STK3: variants seen among roughly 807,000 people sequenced by gnomAD.
STK3 encodes the protein serine/threonine kinase 3.
A neutral mutation model predicts 58.0 loss-of-function variants in STK3; 41 were observed. The observed-to-expected ratio is 0.71, with a 90% CI of 0.55 to 0.92. STK3 has a LOEUF of 0.92. Among genes scored for constraint, STK3 ranks in the 40% least tolerant of loss-of-function variants. The pLI, the probability that STK3 is intolerant of heterozygous loss-of-function variation, is 0.00. For missense variants in STK3, 479 were observed against 602.7 expected (o/e 0.79, Z 2.15); for synonymous variants, 170 against 191.0 (o/e 0.89, Z 0.91).
At position 98,428,892 on chromosome 8, in the gene STK3, A is replaced by G. The variant is rs749779842; in HGVS notation, n.483+5235T>C. ...CCTGAGGCTGATGCGGATCTTCCGC[A>G]TCTTAAAGCTGGCCAGGCACTCCAC... On this transcript the variant is annotated intron_variant and non_coding_transcript_variant, in intron 3 of 3. Coordinates refer to the STK3 transcript ENST00000517832. The surrounding 1 kb of genome is among the most constrained non-coding windows in gnomAD (Gnocchi z 6.7). 2 of 1,614,206 alleles carry G rather than the reference A, an allele frequency of 1.2e-6. No homozygotes were observed. The highest frequency in any genetic ancestry group is 1.6e-4 in the Middle Eastern group (1 of 6,062).
intron 6 of STK3, among the ~76,000 whole-genome samples, chr8:98,607,994 G>C (rs904720332): frequency 3.9e-5 from 6 of 152,078 alleles, no homozygotes; most frequent in African/African-American, 1.4e-4. Context: ...GTACAAGATA[G>C]AGAAATAGAT....
At chr8:98,510,862 T>C (rs980847342) in intron 10 of STK3, among the ~76,000 whole-genome samples, 5 of 152,060 alleles carry the variant, frequency 3.3e-5, no homozygotes, top group Admixed American at 1.3e-4. Context: ...GGTGAAGTAA[T>C]TGATAATACA....
chr8:98,669,062 T>TTTA (rs1187828475), intron 6 of STK3, among the ~76,000 whole-genome samples: 1 of 143,626 alleles, frequency 7.0e-6, no homozygotes, highest in Non-Finnish European at 1.5e-5. Flanking sequence ...AATGGTGTAA[T>TTTA]CTCAGCTCAC....
intron 2 of STK3, among the ~76,000 whole-genome samples, chr8:98,374,688 TC>T (rs138721370): frequency 0.01 from 1,543 of 152,292 alleles, 33 homozygotes; most frequent in African/African-American, 0.033. Flanking sequence ...AACTAAACCT[TC>T]TCCTAGAATT....
At chr8:98,541,326 T>TTCTCACAGGA (rs1810253053) in intron 9 of STK3, among the ~76,000 whole-genome samples, 1 of 151,928 alleles carries the variant, frequency 6.6e-6, no homozygotes, top group South Asian at 2.1e-4. Flanking sequence ...CGTGGCTGAG[T>TTCTCACAGGA]TCTCACAGGA....
chr8:98,693,900 G>A (rs1181049224), intron 6 of STK3, among the ~76,000 whole-genome samples: 3 of 152,152 alleles, frequency 2.0e-5, no homozygotes, highest in Non-Finnish European at 4.4e-5. Flanking sequence ...CTTTTTTGGT[G>A]TTGGGTTTTT....
At chr8:98,486,139 C>T (rs999485147) in intron 10 of STK3, among the ~76,000 whole-genome samples, 36 of 152,156 alleles carry the variant, frequency 2.4e-4, no homozygotes, top group African/African-American at 8.0e-4. Flanking sequence ...TGGCGTTGGG[C>T]ATGTTTCTTA....
downstream of STK3, among the ~76,000 whole-genome samples, chr8:98,401,103 G>A (rs534188124): frequency 1.3e-5 from 2 of 152,104 alleles, no homozygotes; most frequent in African/African-American, 4.8e-5. Context: ...CGGGACACAT[G>A]CCTTAGGAGC....
intron 6 of STK3, among the ~76,000 whole-genome samples, chr8:98,664,338 G>T (rs1405071390): frequency 6.6e-6 from 1 of 152,294 alleles, no homozygotes; most frequent in Non-Finnish European, 1.5e-5. Flanking sequence ...TGCTACCCCG[G>T]TCTGGGTCTT....
At chr8:98,787,174 A>G (rs1832523239) in intron 1 of STK3, among the ~76,000 whole-genome samples, 1 of 147,994 alleles carries the variant, frequency 6.8e-6, no homozygotes, top group African/African-American at 2.5e-5. Context: ...CCTCAAAAAA[A>G]AAAAAAAAAA....
chr8:98,704,724 C>A (rs1259312239), intron 6 of STK3, among the ~76,000 whole-genome samples: 1 of 152,060 alleles, frequency 6.6e-6, no homozygotes, highest in East Asian at 1.9e-4. Context: ...AGGAAGAGGC[C>A]ACATATTACA....
intron 3 of STK3, among the ~76,000 whole-genome samples, chr8:98,756,799 C>T (rs1830312382): frequency 6.6e-6 from 1 of 152,180 alleles, no homozygotes; most frequent in Non-Finnish European, 1.5e-5. Flanking sequence ...TGCACACCAA[C>T]CTATCTAAAG....
intron 6 of STK3, among the ~76,000 whole-genome samples, chr8:98,644,679 T>C (rs922696118): frequency 7.2e-5 from 11 of 152,306 alleles, no homozygotes; most frequent in African/African-American, 2.6e-4. Context: ...AACAATCTTT[T>C]TCTCCTAAGG....
intron 1 of STK3, among the ~76,000 whole-genome samples, chr8:98,938,914 C>G (rs537543458): frequency 4.0e-5 from 6 of 151,566 alleles, no homozygotes; most frequent in Non-Finnish European, 8.8e-5. Flanking sequence ...AAATGAGGTG[C>G]GACATTTCCG....
At chr8:98,721,441 G>A (rs1429245320) in intron 4 of STK3, among the ~76,000 whole-genome samples, 1 of 151,820 alleles carries the variant, frequency 6.6e-6, no homozygotes, top group Non-Finnish European at 1.5e-5. Flanking sequence ...GAGGTGGGAG[G>A]ATCACATGAG....
intron 1 of STK3, among the ~76,000 whole-genome samples, chr8:98,806,405 G>C (rs1833888117): frequency 1.3e-5 from 2 of 152,172 alleles, no homozygotes; most frequent in Admixed American, 6.5e-5. Context: ...TATATGGCTA[G>C]AAGTCGATGC....
intron 1 of STK3, among the ~76,000 whole-genome samples, chr8:98,379,604 C>G (rs1172133471): frequency 2.0e-5 from 3 of 152,208 alleles, no homozygotes; most frequent in Non-Finnish European, 4.4e-5. Context: ...GGACCGGACA[C>G]AGCAGATCCA....
At chr8:98,837,363 C>CAAAAAAA (rs533620773) in intron 3 of STK3, among the ~76,000 whole-genome samples, 1 of 63,296 alleles carries the variant, frequency 1.6e-5, no homozygotes, top group Non-Finnish European at 3.2e-5. Flanking sequence ...TGGAGCTCAG[C>CAAAAAAA]AAAAAAAAAA....
chr8:98,704,199 G>C (rs1219538928), intron 6 of STK3, among the ~76,000 whole-genome samples: 1 of 152,066 alleles, frequency 6.6e-6, no homozygotes, highest in Non-Finnish European at 1.5e-5. Context: ...TCTCAAAAAG[G>C]AACCAAGTGA....
Sources: allele counts gnomAD v4.1 joint callset (sites outside exome capture counted in the v4.1 genomes callset), GRCh38; gene constraint gnomAD v4.1.1; non-coding constraint Gnocchi (gnomAD v3.1); transcripts MANE v1.5; gene names NCBI Gene and HGNC (gene_info 2026-07-23, HGNC 2026-07-21).